The following SHISA9 variants were observed in gnomAD, a reference collection of about 807,000 sequenced individuals.
SHISA9 encodes the protein protein shisa-9.
In SHISA9, 13 loss-of-function variants were observed where a neutral mutation model predicts 38.0. The ratio of observed to expected loss-of-function variants is 0.34; its 90% CI spans 0.22 to 0.54. The LOEUF (loss-of-function observed/expected upper bound fraction) is 0.54, where lower values mean the gene tolerates loss of function less well. Among genes scored for constraint, SHISA9 ranks in the 20% least tolerant of loss-of-function variants. The pLI, the probability that SHISA9 is intolerant of heterozygous loss-of-function variation, is 0.91. For missense variants in SHISA9, 538 were observed against 575.8 expected (o/e 0.93, Z 0.67); for synonymous variants, 275 against 242.0 (o/e 1.14, Z -1.27).
the SHISA9 span, among the ~76,000 whole-genome samples, chr16:13,292,669 G>C: frequency 1.3e-5 from 2 of 152,060 alleles, no homozygotes; most frequent in African/African-American, 4.8e-5. Flanking sequence ...TCAGATGAGA[G>C]GAAGTAATAC....
At chr16:13,295,860 C>T in the SHISA9 span, among the ~76,000 whole-genome samples, 6 of 152,272 alleles carry the variant, frequency 3.9e-5, no homozygotes, top group Admixed American at 3.9e-4. Flanking sequence ...AAGGAAGGAG[C>T]ATTGATTCAG....
In SHISA9 at chr16:13,223,656, G is replaced by C. The variant is rs7202607; in HGVS notation, c.895+10356G>C. Among the ~76,000 whole-genome samples, 788 of 152,254 alleles carry C rather than the reference G, an allele frequency of 5.2e-3. 7 individuals are homozygous for C. The highest frequency in any genetic ancestry group is 0.018 in the African/African-American group (744 of 41,542). On this transcript the variant is annotated intron_variant, in intron 4 of 4. Coordinates refer to ENST00000558583, the MANE Select transcript of SHISA9 (RefSeq NM_001145204.3). ...CTGTTCTCATGCTGCGAATAAAGAT[G>C]TACCTGAGACTGGGTAATTTATAAA... is the stretch of plus-strand genomic sequence containing the variant.
At chr16:13,560,009 A>G in the SHISA9 span, among the ~76,000 whole-genome samples, 1 of 152,254 alleles carries the variant, frequency 6.6e-6, no homozygotes, top group Non-Finnish European at 1.5e-5. Context: ...AAGTAATGAA[A>G]AGATAAACTT....
the SHISA9 span, among the ~76,000 whole-genome samples, chr16:13,282,412 C>T: frequency 1.3e-5 from 2 of 151,780 alleles, no homozygotes; most frequent in South Asian, 4.1e-4. Context: ...TTTTTATTTT[C>T]CTACTTTAAA....
the SHISA9 span, among the ~76,000 whole-genome samples, chr16:13,369,422 TATA>T: frequency 4.1e-4 from 62 of 152,356 alleles, no homozygotes; most frequent in Non-Finnish European, 7.5e-4. Context: ...CATAACATTT[TATA>T]ATAATCCAAT....
chr16:13,091,526 C>T (rs2073775013), intron 2 of SHISA9, among the ~76,000 whole-genome samples: 1 of 152,152 alleles, frequency 6.6e-6, no homozygotes, highest in African/African-American at 2.4e-5. Context: ...CTAAACTTCT[C>T]TTCTCACTTT....
intron 4 of SHISA9, among the ~76,000 whole-genome samples, chr16:13,228,033 T>C (rs192324655): frequency 2.4e-4 from 36 of 152,336 alleles, no homozygotes; most frequent in African/African-American, 8.7e-4. Context: ...TTGTGCTGTG[T>C]AGCAGGTGTA....
chr16:13,064,545 A>G (rs1335382476), intron 2 of SHISA9, among the ~76,000 whole-genome samples: 1 of 152,220 alleles, frequency 6.6e-6, no homozygotes, highest in Non-Finnish European at 1.5e-5. Context: ...AAATGTACAT[A>G]AGAATTTTGA....
At chr16:13,346,374 G>A in the SHISA9 span, among the ~76,000 whole-genome samples, 2 of 152,168 alleles carry the variant, frequency 1.3e-5, no homozygotes, top group African/African-American at 2.4e-5. Context: ...AAGGTCTCAG[G>A]CAAAACTGGG....
the SHISA9 span, among the ~76,000 whole-genome samples, chr16:13,515,143 A>T: frequency 6.6e-6 from 1 of 152,196 alleles, no homozygotes. Context: ...GATATGGGAA[A>T]TGTCTGCACC....
the SHISA9 span, among the ~76,000 whole-genome samples, chr16:13,468,979 A>G: frequency 6.6e-5 from 10 of 151,958 alleles, no homozygotes; most frequent in African/African-American, 2.4e-4. Flanking sequence ...ACTGTGGCTC[A>G]CACTTGTAAT....
chr16:12,971,672 A>G (rs974483898), intron 2 of SHISA9, among the ~76,000 whole-genome samples: 8 of 152,194 alleles, frequency 5.3e-5, no homozygotes, highest in African/African-American at 1.9e-4. Flanking sequence ...GACATATCGT[A>G]CCAGATTAAT....
the SHISA9 span, among the ~76,000 whole-genome samples, chr16:13,422,857 T>C: frequency 6.6e-6 from 1 of 152,228 alleles, no homozygotes; most frequent in Non-Finnish European, 1.5e-5. Context: ...TGTGTCTCCA[T>C]TTCTTCATCT....
intron 2 of SHISA9, among the ~76,000 whole-genome samples, chr16:13,044,566 A>G (rs2141891791): frequency 6.6e-6 from 1 of 152,306 alleles, no homozygotes; most frequent in South Asian, 2.1e-4. Flanking sequence ...TTACCATGCA[A>G]AAAGAATCTT....
the SHISA9 span, among the ~76,000 whole-genome samples, chr16:13,543,496 C>A: frequency 6.6e-6 from 1 of 152,128 alleles, no homozygotes; most frequent in Non-Finnish European, 1.5e-5. Context: ...ACAATCTGAC[C>A]AAGACCACTC....
At chr16:13,208,548 T>C (rs980404789) in intron 3 of SHISA9, among the ~76,000 whole-genome samples, 2 of 151,674 alleles carry the variant, frequency 1.3e-5, no homozygotes, top group African/African-American at 4.8e-5. Flanking sequence ...TTCAAGCGAT[T>C]CTCCTATTGA....
intron 2 of SHISA9, among the ~76,000 whole-genome samples, chr16:13,042,327 C>A (rs2073141757): frequency 1.3e-5 from 2 of 152,172 alleles, no homozygotes; most frequent in African/African-American, 4.8e-5. Flanking sequence ...TGCTCATTGA[C>A]AGAATTTGTA....
At chr16:13,260,511 C>G in the SHISA9 span, among the ~76,000 whole-genome samples, 1 of 152,140 alleles carries the variant, frequency 6.6e-6, no homozygotes, top group Non-Finnish European at 1.5e-5. Context: ...AGTGCAGGGG[C>G]AAAATGTCAC....
intron 2 of SHISA9, among the ~76,000 whole-genome samples, chr16:12,992,927 C>T (rs1433006223): frequency 6.6e-6 from 1 of 152,200 alleles, no homozygotes; most frequent in Non-Finnish European, 1.5e-5. Context: ...TATTATCACC[C>T]CATTTTATAA....
Sources: gnomAD v4.1 joint callset for allele counts (sites outside exome capture counted in the v4.1 genomes callset) on GRCh38, gnomAD v4.1.1 for gene constraint, MANE v1.5 for transcripts, NCBI Gene and HGNC (gene_info 2026-07-23, HGNC 2026-07-21) for gene names.